GREB1L: variants seen among roughly 807,000 people sequenced by gnomAD.
GREB1L encodes GREB1-like protein.
Under a neutral mutation model 200.8 loss-of-function variants are expected in GREB1L, and 17 were observed. The ratio of observed to expected loss-of-function variants is 0.08; its 90% CI spans 0.06 to 0.13. The LOEUF (loss-of-function observed/expected upper bound fraction) is 0.13. GREB1L is among the 10% of genes least tolerant of loss of function. The pLI is 1.00. For synonymous variants in GREB1L, 789 were observed against 893.0 expected, an observed-to-expected ratio of 0.88 and a Z score of 2.08; for missense variants, 1,657 against 2,367.7, an observed-to-expected ratio of 0.70 and a Z score of 6.23.
intron 1 of GREB1L, among the ~76,000 whole-genome samples, chr18:21,316,249 T>C (rs1285139276): frequency 1.3e-5 from 2 of 152,132 alleles, no homozygotes; most frequent in Admixed American, 6.6e-5. Context: ...TTTTTTGATA[T>C]AGGGTCTCAT....
chr18:21,278,017 G>C (rs771078009), intron 1 of GREB1L, among the ~76,000 whole-genome samples: 1 of 152,128 alleles, frequency 6.6e-6, no homozygotes, highest in Non-Finnish European at 1.5e-5. Flanking sequence ...GTCGAAATGG[G>C]TATAGCCATG....
At chr18:21,446,441 AAAAG>A (rs1205488189) in intron 11 of GREB1L, among the ~76,000 whole-genome samples, 1 of 151,552 alleles carries the variant, frequency 6.6e-6, no homozygotes. Context: ...TTTGTAAAGA[AAAAG>A]AAAAGAAAAG....
chr18:21,477,018 C>T (rs1439217167), intron 16 of GREB1L, 146 bp from the exon 17 acceptor site: 35 of 535,276 alleles, frequency 6.5e-5, no homozygotes, highest in African/African-American at 2.7e-4. Context: ...TTTTCCTTTC[C>T]GTGTCAAATT....
chr18:21,401,224 T>C lies in GREB1L; in HGVS notation c.607T>C (p.Leu203=). The C allele has an allele frequency of 6.4e-7, 1 of 1,551,594 alleles. No individual in the cohort carries two copies. The highest frequency in any genetic ancestry group is 1.2e-5 in the South Asian group (1 of 84,064). Residue 203 remains leucine (L), a synonymous_variant, in exon 6 of 33, where the codon TTG becomes CTG. Coordinates refer to ENST00000424526, the MANE Select transcript of GREB1L (RefSeq NM_001142966.3). ...CACGGAATTTTCCAACCACATTAAC[T>C]TGAAGCTCACCACTCAGCCAAAGAA... The part of the protein sequence containing the change: ...YFTEFSNHIN[L]KLTTQPKKQK...
intron 2 of GREB1L, chr18:21,380,382 AG>A (rs1361662616): frequency 2.0e-5 from 3 of 152,172 alleles, no homozygotes; most frequent in African/African-American, 7.2e-5. Flanking sequence ...ATGCATCCTC[AG>A]GGTTCTTCTC....
intron 17 of GREB1L, among the ~76,000 whole-genome samples, chr18:21,481,471 GTGTGTGTA>G (rs1358429170): frequency 7.7e-4 from 90 of 117,082 alleles, no homozygotes; most frequent in Middle Eastern, 4.6e-3. Context: ...GTGTGTGTGT[GTGTGTGTA>G]TATATATATA....
chr18:21,512,779 A>G (rs757854320), intron 27 of GREB1L, among the ~76,000 whole-genome samples: 1 of 152,194 alleles, frequency 6.6e-6, no homozygotes, highest in Non-Finnish European at 1.5e-5. Flanking sequence ...ATTGACTATG[A>G]TGATGTTAGC....
chr18:21,444,437 G>A, intron 11 of GREB1L, 28 bp downstream of exon 11: 1 of 1,519,474 alleles, frequency 6.6e-7, no homozygotes. Flanking sequence ...ATCATTTGCT[G>A]GTGACTACTT....
At chr18:21,471,282 C>T (rs1002482153) in intron 15 of GREB1L, among the ~76,000 whole-genome samples, 8 of 152,196 alleles carry the variant, frequency 5.3e-5, no homozygotes, top group Non-Finnish European at 1.2e-4. Flanking sequence ...GCTTAACTCA[C>T]GCTGCTTATT....
Position 21,295,882 on chromosome 18 carries a change from C to T in GREB1L, c.-120+53489C>T, listed in dbSNP as rs144539655. 2.4e-3 allele frequency among the ~76,000 whole-genome samples: 368 copies of T among 152,232 alleles called. 2 individuals carry two copies. The highest frequency in any genetic ancestry group is 8.4e-3 in the African/African-American group (350 of 41,536). On this transcript the variant is annotated intron_variant, in intron 1 of 32. Coordinates refer to ENST00000424526, the MANE Select transcript of GREB1L (RefSeq NM_001142966.3). ...TTTGGCTGCACATGAAAATCACCTG[C>T]GGAGCTTTAACAACACTTCTCTATT...
intron 15 of GREB1L, among the ~76,000 whole-genome samples, chr18:21,458,373 A>G (rs1025270346): frequency 2.0e-5 from 3 of 152,096 alleles, no homozygotes; most frequent in African/African-American, 7.2e-5. Flanking sequence ...GGAGGGCTAG[A>G]AGGAGAAAGA....
rs1316566448 is a variant in GREB1L at position 21,412,030 on chromosome 18, C to T, written c.832+8036C>T. Among the ~76,000 whole-genome samples the T allele has an allele frequency of 3.0e-3, 378 of 126,418 alleles. 7 individuals carry two copies. The Admixed American group carries it at 0.032, about 11-fold the overall frequency. The allele number at this position is 126,418 out of a possible 152,430, so 82.9% of individuals were successfully genotyped here. A position where few individuals can be genotyped will look rare whatever the true frequency, so the allele number is the denominator to read the frequency against. ...ACTGCAGTCCTCAGTCCGGCCTGGG[C>T]GACAGAGCGAGACTCCGTCTCAAAA... On this transcript the variant is annotated intron_variant, in intron 7 of 32. Coordinates refer to ENST00000424526, the MANE Select transcript of GREB1L (RefSeq NM_001142966.3).
intron 1 of GREB1L, among the ~76,000 whole-genome samples, chr18:21,301,086 C>A (rs571715017): frequency 1.3e-5 from 2 of 152,304 alleles, no homozygotes; most frequent in Admixed American, 1.3e-4. Context: ...TGTTTGATAT[C>A]TGGCAGGATG....
chr18:21,477,785 CA>C (rs560513738), intron 17 of GREB1L, among the ~76,000 whole-genome samples: 62 of 107,620 alleles, frequency 5.8e-4, no homozygotes, highest in Non-Finnish European at 8.0e-4. Flanking sequence ...GACTCCGTCT[CA>C]AAAAAAAAAA....
intron 1 of GREB1L, among the ~76,000 whole-genome samples, chr18:21,360,793 A>G (rs563447759): frequency 1.3e-5 from 2 of 152,384 alleles, no homozygotes; most frequent in South Asian, 4.1e-4. Context: ...TAGAAAGCAA[A>G]TGAACATAAT....
At chr18:21,347,590 G>A (rs1231515610) in intron 1 of GREB1L, among the ~76,000 whole-genome samples, 1 of 151,390 alleles carries the variant, frequency 6.6e-6, no homozygotes, top group Non-Finnish European at 1.5e-5. Context: ...CAAGTAACTG[G>A]GATTACAGGA....
chr18:21,266,672 TGAGA>T lies in GREB1L; in HGVS notation c.-120+24283_-120+24286del, dbSNP rs2037973705. ...AAACACTGCTGTATAGAATAATAAG[TGAGA>T]GAGTTTTGGTTCAAATTACAATAAA... On this transcript the variant is annotated intron_variant, in intron 1 of 32. Coordinates refer to ENST00000424526, the MANE Select transcript of GREB1L (RefSeq NM_001142966.3). 3.3e-5 allele frequency among the ~76,000 whole-genome samples: 5 copies of T among 152,288 alleles called. No individual in the cohort carries two copies. The South Asian group carries it at 8.3e-4, about 25-fold the overall frequency.
chr18:21,472,985 T>G, intron 15 of GREB1L, 46 bp from the exon 16 acceptor site: 1 of 1,314,974 alleles, frequency 7.6e-7, no homozygotes, highest in Middle Eastern at 1.9e-4. Flanking sequence ...TGTGTGTGTG[T>G]ATGTGTAAAA....
chr18:21,428,742 G>A (rs1334424119), intron 7 of GREB1L, among the ~76,000 whole-genome samples: 2 of 126,670 alleles, frequency 1.6e-5, no homozygotes, highest in Non-Finnish European at 3.1e-5. Context: ...TTGAGACGGA[G>A]TGTCGCTGTT....
Sources: gnomAD v4.1 joint callset for allele counts (sites outside exome capture counted in the v4.1 genomes callset) on GRCh38, gnomAD v4.1.1 for gene constraint, MANE v1.5 for transcripts, NCBI Gene and HGNC (gene_info 2026-07-23, HGNC 2026-07-21) for gene names.